OR51S1: variants seen among roughly 807,000 people sequenced by gnomAD.
OR51S1 encodes olfactory receptor 51S1.
A neutral mutation model predicts 0.3 loss-of-function variants in OR51S1; 1 was observed. The observed-to-expected ratio is 3.51, with a 90% CI of 1.25 to 16.67. OR51S1 has a LOEUF of 16.67. OR51S1 is among the 30% of genes most tolerant of loss of function. The pLI is 0.12. For synonymous variants in OR51S1, 180 were observed against 159.4 expected, an observed-to-expected ratio of 1.13 and a Z score of -0.97; for missense variants, 479 against 393.8, an observed-to-expected ratio of 1.22 and a Z score of -1.83.
rs1317991811 is a variant in OR51S1 at position 4,848,469 on chromosome 11, G to T, written c.740C>A (p.Thr247Asn). Reference sequence around the variant, plus strand: ...CACTGCAGAGAGGTGGGCAGCACAGGTTTGACCAGCCTTCCAGCGATCCTC... The same window carrying T: ...CACTGCAGAGAGGTGGGCAGCACAGTTTTGACCAGCCTTCCAGCGATCCTC... ...SREDRWKAGQTCAAHLSAVLL... is the reference protein window; with the variant it reads ...SREDRWKAGQNCAAHLSAVLL... The change falls in exon 1 of 1, where the codon ACC (threonine) becomes AAC (asparagine). Residue 247 changes from threonine (T) to asparagine (N), a missense_variant. Thr to Asn is a moderately conservative substitution (Grantham distance 65). Coordinates refer to ENST00000322101, the MANE Select transcript of OR51S1 (RefSeq NM_001004758.1). The T allele has an allele frequency of 1.5e-5, 24 of 1,613,620 alleles. No individual in the cohort carries two copies. Among genetic ancestry groups the T allele is most frequent in the Non-Finnish European group, 2.0e-5 (24 of 1,179,820 alleles).
Position 4,849,179 on chromosome 11 carries a change from G to A in OR51S1, c.30C>T (p.Pro10=), listed in dbSNP as rs747547530. 9.9e-6 allele frequency: 16 copies of A among 1,612,730 alleles called. No individual in the cohort carries two copies. In the East Asian group the frequency reaches 3.6e-4, roughly 36 times the overall value. ...TGGGGGCCATTGAAGTGCTGCTATT[G>A]GGGGCTATCTGAGTTGGTAATGTTG... is the stretch of plus-strand genomic sequence containing the variant. The part of the protein sequence containing the change: MSTLPTQIA[P]NSSTSMAPTF... The change falls in exon 1 of 1, where the codon CCC becomes CCT. Residue 10 remains proline (P), a synonymous_variant. Coordinates refer to ENST00000322101, the MANE Select transcript of OR51S1 (RefSeq NM_001004758.1).
At position 4,848,651 on chromosome 11, in the gene OR51S1, A is replaced by G; in HGVS notation, c.558T>C (p.Tyr186=). Reference sequence around the variant, plus strand: ...AACGAGCCACATCTGGATGCAAGCAATAAGAATGGGTTAGGACCTGTGGGA... The same window carrying G: ...AACGAGCCACATCTGGATGCAAGCAGTAAGAATGGGTTAGGACCTGTGGGA... ...YCLPQVLTHS[Y]CLHPDVARLA... is the part of the protein sequence containing the mutation. The change falls in exon 1 of 1, where the codon TAT becomes TAC. Residue 186 remains tyrosine, a synonymous_variant. Transcript: ENST00000322101. 6.2e-7 allele frequency: 1 copy of G among 1,613,444 alleles called. No homozygotes were observed.
rs1266910260 is a variant in OR51S1, at chr11:4,849,205, A to T, written c.4T>A (p.Ser2Thr). 6.2e-7 allele frequency: 1 copy of T among 1,607,202 alleles called. No individual in the cohort carries two copies. Among genetic ancestry groups the T allele is most frequent in the South Asian group, 1.1e-5 (1 of 90,078 alleles). Residue 2 changes from serine (S) to threonine (T), a missense_variant, in exon 1 of 1, where the codon TCA becomes ACA. Transcript: ENST00000322101. Reference sequence around the variant, plus strand: ...GGGGCTATCTGAGTTGGTAATGTTGACATAGTTCAGGATTCCACGTTGAAC... The same window carrying T: ...GGGGCTATCTGAGTTGGTAATGTTGTCATAGTTCAGGATTCCACGTTGAAC... MSTLPTQIAPNS... is the reference protein window; with the variant it reads MTTLPTQIAPNS...
Position 4,848,648 on chromosome 11 carries a change from G to A in OR51S1, c.561C>T (p.Cys187=). 6.2e-7 allele frequency: 1 copy of A among 1,613,186 alleles called. No individual in the cohort carries two copies. Among genetic ancestry groups the A allele is most frequent in the Non-Finnish European group, 8.5e-7 (1 of 1,179,570 alleles). ...CLPQVLTHSY[C]LHPDVARLAC... Reference sequence around the variant, plus strand: ...CCAAACGAGCCACATCTGGATGCAAGCAATAAGAATGGGTTAGGACCTGTG... The same window carrying A: ...CCAAACGAGCCACATCTGGATGCAAACAATAAGAATGGGTTAGGACCTGTG... The change falls in exon 1 of 1, where the codon TGC becomes TGT. Residue 187 remains cysteine (C), a synonymous_variant. Transcript: ENST00000322101.
Position 4,848,894 on chromosome 11 carries a change from G to C in OR51S1, c.315C>G (p.Cys105Trp). 6.2e-7 allele frequency: 1 copy of C among 1,614,150 alleles called. No homozygotes were observed. Among genetic ancestry groups the C allele is most frequent in the Non-Finnish European group, 8.5e-7 (1 of 1,180,006 alleles). ...AGAHTVPASA[C>W]LLQMVFIHVF... Reference sequence around the variant, plus strand: ...CATGGATAAAAACCATCTGTAGAAGGCAGGCTGAGGCAGGGACAGTGTGAG... The same window carrying C: ...CATGGATAAAAACCATCTGTAGAAGCCAGGCTGAGGCAGGGACAGTGTGAG... Residue 105 changes from cysteine to tryptophan, a missense_variant, in exon 1 of 1, where the codon TGC becomes TGG. Transcript: ENST00000322101.
At position 4,848,741 on chromosome 11, in the gene OR51S1, A is replaced by C. The variant is rs1849922458; in HGVS notation, c.468T>G (p.Ile156Met). ...NGVISKISLA[I>M]SFRCLGLHLP... ...GATGGAGACCCAGGCATCGAAAAGA[A>C]ATGGCCAGGCTGATTTTGCTAATTA... The change falls in exon 1 of 1, where the codon ATT becomes ATG. Residue 156 changes from isoleucine (I) to methionine (M), a missense_variant. Ile to Met is a conservative substitution (Grantham distance 10). Coordinates refer to ENST00000322101, the MANE Select transcript of OR51S1 (RefSeq NM_001004758.1). 6.2e-7 allele frequency: 1 copy of C among 1,613,888 alleles called. No individual in the cohort carries two copies. Among genetic ancestry groups the C allele is most frequent in the Non-Finnish European group, 8.5e-7 (1 of 1,179,978 alleles).
Position 4,849,152 on chromosome 11 carries a change from G to C in OR51S1, c.57C>G (p.Thr19=), listed in dbSNP as rs1377348266. ...APNSSTSMAP[T]FLLVGMPGLS... ...GGCCTGGCATGCCCACCAGCAAGAAGGTGGGGGCCATTGAAGTGCTGCTAT... is the reference window on the plus strand; with the variant it reads ...GGCCTGGCATGCCCACCAGCAAGAACGTGGGGGCCATTGAAGTGCTGCTAT... The change falls in exon 1 of 1, where the codon ACC becomes ACG. Residue 19 remains threonine (T), a synonymous_variant. Coordinates refer to ENST00000322101, the MANE Select transcript of OR51S1 (RefSeq NM_001004758.1). 3 of 1,613,964 alleles carry C rather than the reference G, an allele frequency of 1.9e-6. No homozygotes were observed. Among genetic ancestry groups the C allele is most frequent in the Admixed American group, 3.3e-5 (2 of 60,022 alleles).
In OR51S1 at chr11:4,848,348, A is replaced by G. The variant is rs1849906005; in HGVS notation, c.861T>C (p.His287=). ...GGTTTATCAATGGAGGAAGAAGGAAATGGACATAGGATAGAAGAGTATGGG... is the reference window on the plus strand; with the variant it reads ...GGTTTATCAATGGAGGAAGAAGGAAGTGGACATAGGATAGAAGAGTATGGG... The part of the protein sequence containing the change: ...QHTHTLLSYV[H]FLLPPLINPI... Residue 287 remains histidine (H), a synonymous_variant, in exon 1 of 1, where the codon CAT becomes CAC. Transcript: ENST00000322101. The G allele has an allele frequency of 6.2e-7, 1 of 1,614,160 alleles. No homozygotes were observed. The highest frequency in any genetic ancestry group is 8.5e-7 in the Non-Finnish European group (1 of 1,180,014).
chr11:4,849,021 A>G lies in OR51S1; in HGVS notation c.188T>C (p.Leu63Pro), dbSNP rs1308815149. 4 of 1,613,998 alleles carry G rather than the reference A, an allele frequency of 2.5e-6. No homozygotes were observed. The highest frequency in any genetic ancestry group is 1.1e-5 in the South Asian group (1 of 91,084). Residue 63 changes from leucine to proline, a missense_variant, in exon 1 of 1, where the codon CTG becomes CCG. By Grantham distance (98) the Leu-to-Pro change is moderately conservative (BLOSUM62 -3). Transcript: ENST00000322101. ...ILWIIALQPA[L>P]HRPMHFFLFL... ...GAGGAAGAAGTGCATTGGGCGGTGC[A>G]GGGCGGGCTGCAGGGCAATGATCCA... is the stretch of plus-strand genomic sequence containing the variant.
rs757042763 is a variant in OR51S1, at chr11:4,848,970, C to T, written c.239G>A (p.Gly80Glu). Reference sequence around the variant, plus strand: ...TGTGGGCATCAGGGCAGTGACCAATCCAATATCAGACACACTAAGCAAGAA... The same window carrying T: ...TGTGGGCATCAGGGCAGTGACCAATTCAATATCAGACACACTAAGCAAGAA... Reference protein sequence around the residue: ...FLFLLSVSDIGLVTALMPTLL... With the variant: ...FLFLLSVSDIELVTALMPTLL... Residue 80 changes from glycine (G) to glutamate (E), a missense_variant, in exon 1 of 1, where the codon GGA (glycine) becomes GAA (glutamate). Coordinates refer to ENST00000322101, the MANE Select transcript of OR51S1 (RefSeq NM_001004758.1). 6.2e-7 allele frequency: 1 copy of T among 1,614,094 alleles called. No individual in the cohort carries two copies. The highest frequency in any genetic ancestry group is 1.7e-5 in the Admixed American group (1 of 60,030).
In OR51S1 at chr11:4,848,936, G is replaced by T. The variant is rs369896989; in HGVS notation, c.273C>A (p.Gly91=). The stretch of plus-strand genomic sequence containing the variant: ...CAGTGTGAGCACCAGCAAGGGCGAT[G>T]CCCAGCAGTGTGGGCATCAGGGCAG... ...LVTALMPTLL[G]IALAGAHTVP... Residue 91 remains glycine (G), a synonymous_variant, in exon 1 of 1, where the codon GGC becomes GGA. Coordinates refer to ENST00000322101, the MANE Select transcript of OR51S1 (RefSeq NM_001004758.1). The T allele has an allele frequency of 1.1e-4, 182 of 1,613,968 alleles. No homozygotes were observed. Among genetic ancestry groups the T allele is most frequent in the Non-Finnish European group, 2.0e-5 (24 of 1,179,984 alleles).
At position 4,848,548 on chromosome 11, in the gene OR51S1, T is replaced by C; in HGVS notation, c.661A>G (p.Ile221Val). 1 of 1,612,058 alleles carries C rather than the reference T, an allele frequency of 6.2e-7. No individual in the cohort carries two copies. Among genetic ancestry groups the C allele is most frequent in the African/African-American group, 1.3e-5 (1 of 74,868 alleles). The change falls in exon 1 of 1, where the codon ATT becomes GTT. Residue 221 changes from isoleucine to valine, a missense_variant. Coordinates refer to ENST00000322101, the MANE Select transcript of OR51S1 (RefSeq NM_001004758.1). ...CCAATCAGGCCATAGGAGAAGAAAA[T>C]AAGCAGGGGGTCCAAACCCATGGCT... Reference protein sequence around the residue: ...LSAMGLDPLLIFFSYGLIGKV... With the variant: ...LSAMGLDPLLVFFSYGLIGKV...
Position 4,848,919 on chromosome 11 carries a change from G to T in OR51S1, c.290C>A (p.Ala97Asp), listed in dbSNP as rs762319949. Residue 97 changes from alanine to aspartate, a missense_variant, in exon 1 of 1, where the codon GCT becomes GAT. By Grantham distance (126) the Ala-to-Asp change is moderately radical (BLOSUM62 -2). Transcript: ENST00000322101. ...PTLLGIALAG[A>D]HTVPASACLL... Reference sequence around the variant, plus strand: ...GCAGGCTGAGGCAGGGACAGTGTGAGCACCAGCAAGGGCGATGCCCAGCAG... The same window carrying T: ...GCAGGCTGAGGCAGGGACAGTGTGATCACCAGCAAGGGCGATGCCCAGCAG... 11 of 1,613,954 alleles carry T rather than the reference G, an allele frequency of 6.8e-6. No homozygotes were observed. Among genetic ancestry groups the T allele is most frequent in the African/African-American group, 1.3e-5 (1 of 74,918 alleles).
At position 4,848,562 on chromosome 11, in the gene OR51S1, A is replaced by G. The variant is rs57238061; in HGVS notation, c.647T>C (p.Leu216Ser). The G allele has an allele frequency of 0.011, 17,389 of 1,610,418 alleles. 1,464 individuals carry two copies. The African/African-American group carries it at 0.2, about 18-fold the overall frequency. The change falls in exon 1 of 1, where the codon TTG (leucine) becomes TCG (serine). Residue 216 changes from leucine to serine, a missense_variant. Physicochemically the swap from Leu to Ser is moderately radical, Grantham distance 145 (BLOSUM62 -2). Transcript: ENST00000322101. Reference protein sequence around the residue: ...SLFVVLSAMGLDPLLIFFSYG... With the variant: ...SLFVVLSAMGSDPLLIFFSYG... ...GGAGAAGAAAATAAGCAGGGGGTCC[A>G]AACCCATGGCTGAAAGAACCACAAA...
In OR51S1 at chr11:4,848,393, C is replaced by A; in HGVS notation, c.816G>T (p.Glu272Asp). The A allele has an allele frequency of 6.2e-7, 1 of 1,613,942 alleles. No homozygotes were observed. Among genetic ancestry groups the A allele is most frequent in the Non-Finnish European group, 8.5e-7 (1 of 1,179,896 alleles). The change falls in exon 1 of 1, where the codon GAG becomes GAT. Residue 272 changes from glutamate (E) to aspartate (D), a missense_variant. Physicochemically the swap from Glu to Asp is conservative, Grantham distance 45. Coordinates refer to ENST00000322101, the MANE Select transcript of OR51S1 (RefSeq NM_001004758.1). ...MILLALINHP[E>D]LPITQHTHTL... Reference sequence around the variant, plus strand: ...TATGGGTATGCTGAGTGATTGGCAGCTCAGGATGGTTAATCAGTGCCAGGA... The same window carrying A: ...TATGGGTATGCTGAGTGATTGGCAGATCAGGATGGTTAATCAGTGCCAGGA...
Position 4,848,663 on chromosome 11 carries a change from T to C in OR51S1, c.546A>G (p.Leu182=). The C allele has an allele frequency of 6.2e-7, 1 of 1,613,842 alleles. No individual in the cohort carries two copies. Among genetic ancestry groups the C allele is most frequent in the Non-Finnish European group, 8.5e-7 (1 of 1,179,880 alleles). ...AYMPYCLPQV[L]THSYCLHPDV... ...CTGGATGCAAGCAATAAGAATGGGT[T>C]AGGACCTGTGGGAGGCAGTAGGGCA... Residue 182 remains leucine (L), a synonymous_variant, in exon 1 of 1, where the codon CTA becomes CTG. Transcript: ENST00000322101.
Position 4,848,961 on chromosome 11 carries a change from G to T in OR51S1, c.248C>A (p.Thr83Asn). The change falls in exon 1 of 1, where the codon ACT becomes AAT. Residue 83 changes from threonine (T) to asparagine (N), a missense_variant. Thr to Asn is a moderately conservative substitution (Grantham distance 65). Coordinates refer to ENST00000322101, the MANE Select transcript of OR51S1 (RefSeq NM_001004758.1). ...GCCCAGCAGTGTGGGCATCAGGGCA[G>T]TGACCAATCCAATATCAGACACACT... ...LLSVSDIGLV[T>N]ALMPTLLGIA... 1.2e-6 allele frequency: 2 copies of T among 1,614,182 alleles called. No homozygotes were observed. The highest frequency in any genetic ancestry group is 1.7e-6 in the Non-Finnish European group (2 of 1,180,018).
chr11:4,849,125 T>C lies in OR51S1; in HGVS notation c.84A>G (p.Leu28=). 1 of 1,614,134 alleles carries C rather than the reference T, an allele frequency of 6.2e-7. No homozygotes were observed. The highest frequency in any genetic ancestry group is 1.1e-5 in the South Asian group (1 of 91,076). ...ATGTCCACCAGGAGGGTGCACCTGA[T>C]AGGCCTGGCATGCCCACCAGCAAGA... ...PTFLLVGMPG[L]SGAPSWWTLP... is the part of the protein sequence containing the mutation. The change falls in exon 1 of 1, where the codon CTA becomes CTG. Residue 28 remains leucine, a synonymous_variant. Coordinates refer to ENST00000322101, the MANE Select transcript of OR51S1 (RefSeq NM_001004758.1).
rs775384301 is a variant in OR51S1 at position 4,848,582 on chromosome 11, C to A, written c.627G>T (p.Val209=). 1 of 1,606,442 alleles carries A rather than the reference C, an allele frequency of 6.2e-7. No homozygotes were observed. Among genetic ancestry groups the A allele is most frequent in the Non-Finnish European group, 8.5e-7 (1 of 1,176,676 alleles). Residue 209 remains valine, a synonymous_variant, in exon 1 of 1, where the codon GTG becomes GTT. Transcript: ENST00000322101. ...GGTCCAAACCCATGGCTGAAAGAAC[C>A]ACAAATAGGCTGTAGGCTGCACCCC... is the stretch of plus-strand genomic sequence containing the variant. ...EAWGAAYSLF[V]VLSAMGLDPL... is the part of the protein sequence containing the mutation.
Sources: gnomAD v4.1 joint callset for allele counts on GRCh38, gnomAD v4.1.1 for gene constraint, MANE v1.5 for transcripts, NCBI Gene and HGNC (gene_info 2026-07-23, HGNC 2026-07-21) for gene names.